Variants in VPS54 observed in about 807,000 individuals in gnomAD.
The protein encoded by VPS54 is vacuolar protein sorting-associated protein 54.
A neutral mutation model predicts 121.5 loss-of-function variants in VPS54; 45 were observed. The ratio of observed to expected loss-of-function variants is 0.37; its 90% CI spans 0.29 to 0.47. The LOEUF (loss-of-function observed/expected upper bound fraction) is 0.47. Among genes scored for constraint, VPS54 ranks in the 20% least tolerant of loss-of-function variants. The pLI is 0.99. For synonymous variants in VPS54, 371 were observed against 385.8 expected (o/e 0.96, Z 0.45); for missense variants, 1,090 against 1,131.4 (o/e 0.96, Z 0.52).
chr2:63,976,825 CTTTTTTTTTT>C (rs1174931536), intron 3 of VPS54, among the ~76,000 whole-genome samples: 1 of 89,680 alleles, frequency 1.1e-5, no homozygotes, highest in Non-Finnish European at 2.2e-5. Flanking sequence ...TATATCTTCT[CTTTTTTTTTT>C]TTTTTTTTTT....
chr2:63,930,714 A>C (rs1016226890), intron 12 of VPS54, among the ~76,000 whole-genome samples: 1 of 152,228 alleles, frequency 6.6e-6, no homozygotes, highest in Non-Finnish European at 1.5e-5. Context: ...GGAAAAGAGG[A>C]AGTCAAATTG....
intron 20 of VPS54, among the ~76,000 whole-genome samples, chr2:63,902,301 C>A (rs1181187086): frequency 6.6e-6 from 1 of 152,068 alleles, no homozygotes; most frequent in African/African-American, 2.4e-5. Flanking sequence ...CTGAGAAAAA[C>A]CCTCTAACAA....
At chr2:63,910,654 T>C (rs1350644903) in intron 20 of VPS54, among the ~76,000 whole-genome samples, 1 of 152,184 alleles carries the variant, frequency 6.6e-6, no homozygotes, top group Non-Finnish European at 1.5e-5. Context: ...TTATAAAATA[T>C]TTTAGCAAAA....
intron 12 of VPS54, among the ~76,000 whole-genome samples, chr2:63,929,188 C>T (rs181534893): frequency 6.6e-6 from 1 of 152,294 alleles, no homozygotes; most frequent in Non-Finnish European, 1.5e-5. Flanking sequence ...GCAGAACTCT[C>T]CACCCCAAAT....
At chr2:63,897,695 G>T in intron 21 of VPS54, 105 bp from the exon 22 acceptor site, 1 of 642,586 alleles carries the variant, frequency 1.6e-6, no homozygotes, top group South Asian at 2.2e-5. Flanking sequence ...CAAAACCTTT[G>T]CTTTGACATA....
chr2:63,991,387 T>C (rs1239288019), intron 1 of VPS54, among the ~76,000 whole-genome samples: 2 of 152,228 alleles, frequency 1.3e-5, no homozygotes, highest in African/African-American at 2.4e-5. Flanking sequence ...AAAATTTACC[T>C]GATCACGAGG....
chr2:63,947,850 GTT>G (rs1675055058), intron 8 of VPS54, among the ~76,000 whole-genome samples: 1 of 151,862 alleles, frequency 6.6e-6, no homozygotes, highest in Non-Finnish European at 1.5e-5. Flanking sequence ...TTGCTTCTTT[GTT>G]TTGAGACAGC....
In VPS54 at chr2:64,019,167, G is replaced by A. The variant is rs1158309753; in HGVS notation, c.-250C>T. 1 of 150,964 alleles carries A rather than the reference G, an allele frequency of 6.6e-6. No homozygotes were observed. Among genetic ancestry groups the A allele is most frequent in the Non-Finnish European group, 1.5e-5 (1 of 67,612 alleles). 9.4% of individuals were successfully genotyped at this position (150,964 alleles called of 1,614,324 possible). A position where few individuals can be genotyped will look rare whatever the true frequency, so the allele number is the denominator to read the frequency against. On this transcript the variant is annotated 5_prime_UTR_variant, in exon 1 of 23. Transcript: ENST00000272322. ...CTCAGGGGTGAGAGGTGGCAGCGGC[G>A]GCTCCCTCACGTCTCTCCCGGGTGT...
chr2:63,987,186 T>A (rs1475945275), intron 1 of VPS54, among the ~76,000 whole-genome samples: 1 of 152,230 alleles, frequency 6.6e-6, no homozygotes, highest in African/African-American at 2.4e-5. Flanking sequence ...TTCTTTTCGT[T>A]GTTTCATAGT....
intron 1 of VPS54, among the ~76,000 whole-genome samples, chr2:64,001,326 G>C (rs1017576123): frequency 1.3e-5 from 2 of 152,268 alleles, no homozygotes; most frequent in Admixed American, 1.3e-4. Context: ...CCAAGGCCTG[G>C]AATCAGGGAC....
At chr2:63,904,335 A>G (rs1175952929) in intron 20 of VPS54, among the ~76,000 whole-genome samples, 1 of 145,690 alleles carries the variant, frequency 6.9e-6, no homozygotes, top group Non-Finnish European at 1.5e-5. Flanking sequence ...CTTACTCAGG[A>G]GGCTGAGGCA....
intron 1 of VPS54, among the ~76,000 whole-genome samples, chr2:63,992,479 G>T (rs750898205): frequency 5.3e-5 from 8 of 152,214 alleles, no homozygotes; most frequent in Non-Finnish European, 7.4e-5. Flanking sequence ...GCTGGTTTAG[G>T]TTATCCTTTT....
At chr2:63,894,766 A>G (rs868091233) in intron 22 of VPS54, among the ~76,000 whole-genome samples, 18 of 152,280 alleles carry the variant, frequency 1.2e-4, no homozygotes, top group African/African-American at 4.1e-4. Context: ...TACTAAACAT[A>G]TATCAACATA....
At chr2:63,910,784 G>A (rs1673116493) in intron 20 of VPS54, among the ~76,000 whole-genome samples, 1 of 152,166 alleles carries the variant, frequency 6.6e-6, no homozygotes, top group African/African-American at 2.4e-5. Context: ...TAGTCACTGT[G>A]ACAATTCTTA....
chr2:63,978,538 T>A (rs900834312), intron 3 of VPS54, among the ~76,000 whole-genome samples: 1 of 152,212 alleles, frequency 6.6e-6, no homozygotes, highest in Non-Finnish European at 1.5e-5. Flanking sequence ...AGTGAAGCCA[T>A]GTGGATCTGA....
intron 20 of VPS54, among the ~76,000 whole-genome samples, chr2:63,906,805 T>A (rs1325838170): frequency 6.6e-6 from 1 of 152,200 alleles, no homozygotes; most frequent in Non-Finnish European, 1.5e-5. Context: ...TTCAACGCAA[T>A]TTCAATCAAA....
chr2:63,964,058 T>C lies in VPS54; in HGVS notation c.625-1615A>G, dbSNP rs145433380. 2.9e-4 allele frequency among the ~76,000 whole-genome samples: 44 copies of C among 152,314 alleles called. 1 individual carries two copies. The East Asian group carries it at 8.5e-3, about 29-fold the overall frequency. The stretch of plus-strand genomic sequence containing the variant: ...CAGCACTTTGCACAGTACAATAGAA[T>C]ACAAATTTCTTTAATTCTAGTTATA... On this transcript the variant is annotated intron_variant, in intron 6 of 22. Coordinates refer to ENST00000272322, the MANE Select transcript of VPS54 (RefSeq NM_016516.3).
Position 63,958,858 on chromosome 2 carries a change from T to G in VPS54, c.1010+3200A>C, listed in dbSNP as rs191439074. Among the ~76,000 whole-genome samples the G allele has an allele frequency of 7.5e-4, 114 of 152,338 alleles. 1 individual carries two copies. The highest frequency in any genetic ancestry group is 1.2e-3 in the Non-Finnish European group (85 of 68,032). On this transcript the variant is annotated intron_variant, in intron 7 of 22. Transcript: ENST00000272322. The stretch of plus-strand genomic sequence containing the variant: ...TTGCTTGTCCTACTGAAAGATTTCT[T>G]ATTTCAAGTAAGACCCTATGGCTTA...
chr2:64,017,045 G>C (rs1436417906), intron 1 of VPS54, among the ~76,000 whole-genome samples: 1 of 120,660 alleles, frequency 8.3e-6, no homozygotes, highest in East Asian at 2.5e-4. Flanking sequence ...AAAAAAAAAA[G>C]AGTGTGATGG....
Sources: gnomAD v4.1 joint callset for allele counts (sites outside exome capture counted in the v4.1 genomes callset) on GRCh38, gnomAD v4.1.1 for gene constraint, MANE v1.5 for transcripts, NCBI Gene and HGNC (gene_info 2026-07-23, HGNC 2026-07-21) for gene names.